COL5A2: variants seen among roughly 807,000 people sequenced by gnomAD.
COL5A2 encodes the protein collagen alpha-2(V) chain.
COL5A2 carries 23 observed loss-of-function variants against 208.2 expected under a neutral mutation model. The ratio of observed to expected loss-of-function variants is 0.11; its 90% CI spans 0.08 to 0.16. COL5A2 has a LOEUF of 0.16. Ranked by LOEUF, COL5A2 falls within the 10% of genes least tolerant of loss-of-function variation. The probability of loss-of-function intolerance (pLI) is 1.00; values close to 1 mark genes in which losing one functional copy is unlikely to be tolerated. For missense variants in COL5A2, 1,590 were observed against 1,956.4 expected (o/e 0.81, Z 3.53); for synonymous variants, 625 against 628.5 (o/e 0.99, Z 0.08).
At chr2:189,149,824 C>A (rs998900715) in intron 1 of COL5A2, among the ~76,000 whole-genome samples, 17 of 152,180 alleles carry the variant, frequency 1.1e-4, no homozygotes, top group African/African-American at 4.1e-4. Flanking sequence ...AATAAAAACA[C>A]TGGCAATCCT....
At chr2:189,380,231 A>C in the COL5A2 span, among the ~76,000 whole-genome samples, 1 of 152,092 alleles carries the variant, frequency 6.6e-6, no homozygotes, top group Non-Finnish European at 1.5e-5. Flanking sequence ...AGAACCCACT[A>C]GGATGAAATA....
chr2:189,224,936 G>T (rs1325805246), intron 1 of COL5A2, among the ~76,000 whole-genome samples: 2 of 151,808 alleles, frequency 1.3e-5, no homozygotes, highest in South Asian at 4.1e-4. Flanking sequence ...TCTTTTAACA[G>T]AAAGACAGAC....
chr2:189,123,515 A>G (rs1687550459), intron 1 of COL5A2, among the ~76,000 whole-genome samples: 1 of 152,170 alleles, frequency 6.6e-6, no homozygotes, highest in Non-Finnish European at 1.5e-5. Flanking sequence ...GAAGAGGGGA[A>G]TAGATACAGA....
At chr2:189,078,724 T>C (rs1354376182) in intron 15 of COL5A2, among the ~76,000 whole-genome samples, 155 bp from the exon 16 acceptor site, 1 of 152,164 alleles carries the variant, frequency 6.6e-6, no homozygotes, top group Non-Finnish European at 1.5e-5. Flanking sequence ...ACTATCCCCA[T>C]GTGGAGATAA....
In COL5A2 at chr2:189,075,417, A is replaced by G; in HGVS notation, c.1080T>C (p.Gly360=). The G allele has an allele frequency of 6.2e-7, 1 of 1,606,582 alleles. No individual in the cohort carries two copies. The highest frequency in any genetic ancestry group is 8.5e-7 in the Non-Finnish European group (1 of 1,173,590). ...CCATTGGTCCAGGTTTTCCAGGCAT[A>G]CCATGTGCACCTCGTTGTCCCTAAT... ...QGAPGQRGAH[G]MPGKPGPMGP... The change falls in exon 17 of 54, where the codon GGT becomes GGC. Residue 360 remains glycine, a synonymous_variant. Coordinates refer to ENST00000374866, the MANE Select transcript of COL5A2 (RefSeq NM_000393.5).
At chr2:189,316,062 A>G in the COL5A2 span, among the ~76,000 whole-genome samples, 2 of 152,150 alleles carry the variant, frequency 1.3e-5, no homozygotes, top group Non-Finnish European at 2.9e-5. Context: ...CAATTCCTCA[A>G]AGACCTAAAG....
chr2:189,368,360 G>T, the COL5A2 span, among the ~76,000 whole-genome samples: 1 of 152,048 alleles, frequency 6.6e-6, no homozygotes, highest in African/African-American at 2.4e-5. Context: ...GCCACTGGCT[G>T]ATCCAACTTC....
chr2:189,077,222 C>T (rs909899699), intron 16 of COL5A2, among the ~76,000 whole-genome samples: 1 of 152,130 alleles, frequency 6.6e-6, no homozygotes, highest in Non-Finnish European at 1.5e-5. Context: ...TTAAGCCTCA[C>T]TTCTGGACAC....
At chr2:189,433,854 C>G in the COL5A2 span, among the ~76,000 whole-genome samples, 128 of 152,310 alleles carry the variant, frequency 8.4e-4, no homozygotes, top group Non-Finnish European at 1.6e-3. Context: ...CATCCTGATA[C>G]CAAATCCTGG....
chr2:189,255,042 C>T, the COL5A2 span, among the ~76,000 whole-genome samples: 1 of 152,174 alleles, frequency 6.6e-6, no homozygotes, highest in African/African-American at 2.4e-5. Context: ...GGCACATAGA[C>T]GGCAAAAGCA....
At chr2:189,335,244 A>C in the COL5A2 span, among the ~76,000 whole-genome samples, 5 of 152,238 alleles carry the variant, frequency 3.3e-5, no homozygotes, top group African/African-American at 1.2e-4. Context: ...TAATCAAAAA[A>C]TCATTTGTCA....
At chr2:189,143,275 T>A (rs1314413445) in intron 1 of COL5A2, among the ~76,000 whole-genome samples, 1 of 152,218 alleles carries the variant, frequency 6.6e-6, no homozygotes, top group Non-Finnish European at 1.5e-5. Flanking sequence ...CTGTATCTAC[T>A]GGAAGAAGGA....
intron 1 of COL5A2, among the ~76,000 whole-genome samples, chr2:189,158,058 T>C (rs1447206833): frequency 6.6e-6 from 1 of 151,952 alleles, no homozygotes; most frequent in East Asian, 1.9e-4. Flanking sequence ...CCAATAAATA[T>C]TTTCTGCATT....
intron 9 of COL5A2, 118 bp downstream of exon 9, chr2:189,086,608 C>G (rs907735678): frequency 5.5e-6 from 4 of 730,932 alleles, no homozygotes; most frequent in South Asian, 4.9e-5. Flanking sequence ...TTGAAGTGAG[C>G]ATTACAATAT....
chr2:189,237,647 T>G, the COL5A2 span, among the ~76,000 whole-genome samples: 1 of 151,886 alleles, frequency 6.6e-6, no homozygotes, highest in African/African-American at 2.4e-5. Flanking sequence ...TTGCTGATAT[T>G]ATAGTGATTT....
chr2:189,435,266 G>A, the COL5A2 span, among the ~76,000 whole-genome samples: 1 of 152,116 alleles, frequency 6.6e-6, no homozygotes, highest in East Asian at 1.9e-4. Flanking sequence ...ATAGGCATGG[G>A]CAAGGACTTC....
At chr2:189,258,315 C>T in the COL5A2 span, among the ~76,000 whole-genome samples, 2 of 152,130 alleles carry the variant, frequency 1.3e-5, no homozygotes, top group Non-Finnish European at 2.9e-5. Flanking sequence ...GTGGTCATCT[C>T]ATATTTTCTT....
At chr2:189,056,804 A>G (rs1685909675) in intron 35 of COL5A2, 169 bp downstream of exon 35, 8 of 713,018 alleles carry the variant, frequency 1.1e-5, no homozygotes, top group Non-Finnish European at 2.0e-5. Context: ...CAGGGTAAGC[A>G]AAATGAATAA....
Position 189,109,158 on chromosome 2 carries a change from T to G in COL5A2, c.322+1067A>C, listed in dbSNP as rs185502336. ...ATTTGAAGGAGACTGTATATTTTGG[T>G]GTGTTTTCTGATATTTGCCACCATT... On this transcript the variant is annotated intron_variant, in intron 2 of 53. Transcript: ENST00000374866. Among the ~76,000 whole-genome samples, 200 of 152,162 alleles carry G rather than the reference T, an allele frequency of 1.3e-3. 2 individuals carry two copies. Among genetic ancestry groups the G allele is most frequent in the Non-Finnish European group, 1.9e-3 (127 of 67,932 alleles).
Sources: allele counts gnomAD v4.1 joint callset (sites outside exome capture counted in the v4.1 genomes callset), GRCh38; gene constraint gnomAD v4.1.1; transcripts MANE v1.5; gene names NCBI Gene and HGNC (gene_info 2026-07-23, HGNC 2026-07-21).